Variants in PEX14 observed in about 807,000 individuals in gnomAD.
PEX14 encodes peroxisomal biogenesis factor 14.
PEX14 carries 15 observed loss-of-function variants against 49.5 expected under a neutral mutation model. The observed-to-expected ratio is 0.30, with a 90% CI of 0.20 to 0.47. The LOEUF (loss-of-function observed/expected upper bound fraction) is 0.47, where lower values mean the gene tolerates loss of function less well. PEX14 is among the 20% of genes least tolerant of loss of function. PEX14 has a pLI of 1.00. For synonymous variants in PEX14, 210 were observed against 212.7 expected (o/e 0.99, Z 0.11); for missense variants, 398 against 494.8 (o/e 0.80, Z 1.86).
In PEX14 at chr1:10,481,642, G is replaced by A. The variant is rs370008613; in HGVS notation, c.36+6640G>A. On this transcript the variant is annotated intron_variant, in intron 1 of 8. Coordinates refer to ENST00000356607, the MANE Select transcript of PEX14 (RefSeq NM_004565.3). Reference sequence around the variant, plus strand: ...TGTAGAGGTCGGGTCTCGCTGTGTCGCCCAGGCTGGTCTTGAACTCCTGAC... The same window carrying A: ...TGTAGAGGTCGGGTCTCGCTGTGTCACCCAGGCTGGTCTTGAACTCCTGAC... Among the ~76,000 whole-genome samples, 6 of 151,874 alleles carry A rather than the reference G, an allele frequency of 4.0e-5. No individual in the cohort carries two copies. In the East Asian group the frequency reaches 9.7e-4, roughly 24 times the overall value.
At chr1:10,627,242 G>T in intron 7 of PEX14, 30 bp from the exon 8 acceptor site, 1 of 1,550,448 alleles carries the variant, frequency 6.4e-7, no homozygotes, top group Non-Finnish European at 8.9e-7. Flanking sequence ...CAAGGCGCCC[G>T]CCCTGAGCCT....
At chr1:10,596,266 G>A (rs984931013) in intron 3 of PEX14, among the ~76,000 whole-genome samples, 2 of 152,228 alleles carry the variant, frequency 1.3e-5, no homozygotes, top group Non-Finnish European at 2.9e-5. Flanking sequence ...ACTCAAGGAA[G>A]CCTATGACAG....
At chr1:10,588,434 C>T (rs1053100334) in intron 3 of PEX14, among the ~76,000 whole-genome samples, 22 of 152,122 alleles carry the variant, frequency 1.4e-4, no homozygotes, top group South Asian at 4.1e-4. Context: ...TGATTTTTCA[C>T]GATAAAGTGG....
At chr1:10,587,472 A>G (rs1468421761) in intron 3 of PEX14, among the ~76,000 whole-genome samples, 1 of 152,130 alleles carries the variant, frequency 6.6e-6, no homozygotes, top group Non-Finnish European at 1.5e-5. Flanking sequence ...AAATAACGAG[A>G]CAATTTTTTA....
Position 10,474,986 on chromosome 1 carries a change from C to A in PEX14, c.20C>A (p.Ala7Glu). The change falls in exon 1 of 9, where the codon GCA becomes GAA. Residue 7 changes from alanine (A) to glutamate (E), a missense_variant. By Grantham distance (107) the Ala-to-Glu change is moderately radical (BLOSUM62 -1). Transcript: ENST00000356607. MASSEQ[A>E]EQPSQPSSTP... ...AGAAAGATGGCGTCCTCGGAGCAGG[C>A]AGAGCAGCCGAGCCAGGTAAGGGGA... 3 of 1,609,690 alleles carry A rather than the reference C, an allele frequency of 1.9e-6. No homozygotes were observed. Among genetic ancestry groups the A allele is most frequent in the Non-Finnish European group, 2.5e-6 (3 of 1,178,422 alleles).
intron 2 of PEX14, among the ~76,000 whole-genome samples, chr1:10,509,236 C>T (rs1296824990): frequency 3.9e-5 from 6 of 151,918 alleles, no homozygotes; most frequent in Non-Finnish European, 7.4e-5. Flanking sequence ...GCGTGAGCCA[C>T]CGCGCCCGGC....
chr1:10,607,750 GT>G (rs1641165950), intron 4 of PEX14, among the ~76,000 whole-genome samples: 1 of 152,190 alleles, frequency 6.6e-6, no homozygotes, highest in African/African-American at 2.4e-5. Context: ...GTTGAATGAG[GT>G]TTTTAATGTA....
rs549947665 is a variant in PEX14 at position 10,497,766 on chromosome 1, G to A, written c.84+2445G>A. The stretch of plus-strand genomic sequence containing the variant: ...TGAGGAATGGGATATTTCAGTGTTG[G>A]GGGAACACACTGCTAAGTTGTTTTG... On this transcript the variant is annotated intron_variant, in intron 2 of 8. Coordinates refer to ENST00000356607, the MANE Select transcript of PEX14 (RefSeq NM_004565.3). 2.0e-5 allele frequency among the ~76,000 whole-genome samples: 3 copies of A among 152,242 alleles called. No individual in the cohort carries two copies. The South Asian group carries it at 6.2e-4, about 32-fold the overall frequency.
chr1:10,614,532 A>T (rs1641358751), intron 4 of PEX14, among the ~76,000 whole-genome samples: 1 of 152,192 alleles, frequency 6.6e-6, no homozygotes. Flanking sequence ...GCGTCTGCTC[A>T]GCCTTGACAG....
intron 3 of PEX14, among the ~76,000 whole-genome samples, chr1:10,556,739 C>T (rs1360887705): frequency 6.6e-6 from 1 of 152,154 alleles, no homozygotes; most frequent in African/African-American, 2.4e-5. Context: ...AGCTGATGAG[C>T]CTAATGGAAA....
chr1:10,609,026 GT>G (rs1641202832), intron 4 of PEX14, among the ~76,000 whole-genome samples: 1 of 152,130 alleles, frequency 6.6e-6, no homozygotes, highest in South Asian at 2.1e-4. Flanking sequence ...GTGATCTCTT[GT>G]ACCTGGCCTC....
intron 3 of PEX14, among the ~76,000 whole-genome samples, chr1:10,570,435 C>T (rs1240538738): frequency 6.6e-6 from 1 of 151,834 alleles, no homozygotes; most frequent in African/African-American, 2.4e-5. Context: ...CGTGTTCAAG[C>T]GATTCTCCTG....
intron 4 of PEX14, among the ~76,000 whole-genome samples, chr1:10,605,032 C>T (rs1368443163): frequency 1.3e-5 from 2 of 152,036 alleles, no homozygotes; most frequent in Admixed American, 6.6e-5. Context: ...CCCCTCAGGC[C>T]CCTAGACTCC....
chr1:10,598,779 C>T (rs1640898201), intron 3 of PEX14, among the ~76,000 whole-genome samples: 1 of 152,096 alleles, frequency 6.6e-6, no homozygotes, highest in Non-Finnish European at 1.5e-5. Context: ...CAAATTATTC[C>T]CGTCTTCAGA....
intron 1 of PEX14, among the ~76,000 whole-genome samples, chr1:10,493,859 T>C (rs1439486800): frequency 6.6e-6 from 1 of 152,226 alleles, no homozygotes; most frequent in Non-Finnish European, 1.5e-5. Context: ...CAAGAGGGAA[T>C]GCTGGAAGAA....
chr1:10,627,276 C>T lies in PEX14; in HGVS notation c.590C>T (p.Thr197Ile). 1 of 1,612,948 alleles carries T rather than the reference C, an allele frequency of 6.2e-7. No homozygotes were observed. The highest frequency in any genetic ancestry group is 8.5e-7 in the Non-Finnish European group (1 of 1,179,118). The change falls in exon 8 of 9, where the codon ACC becomes ATC. Residue 197 changes from threonine (T) to isoleucine (I), a missense_variant. Thr to Ile is a moderately conservative substitution (Grantham distance 89). This residue lies in a region of PEX14 where 202 missense variants were observed against 298.5 expected (regional missense o/e 0.68). Coordinates refer to ENST00000356607, the MANE Select transcript of PEX14 (RefSeq NM_004565.3). ...CTCCCTGTGCTCTGCTTTCAGGCCA[C>T]CACATCCACCAACTGGATCCTGGAG... Reference protein sequence around the residue: ...LAHELAAAKATTSTNWILESQ... With the variant: ...LAHELAAAKAITSTNWILESQ...
intron 1 of PEX14, among the ~76,000 whole-genome samples, chr1:10,492,349 G>T (rs541563620): frequency 5.6e-4 from 85 of 152,278 alleles, no homozygotes; most frequent in African/African-American, 1.9e-3. Flanking sequence ...AAAGCTGTTT[G>T]CTTTTGTGTG....
chr1:10,577,420 A>AAAC (rs1640151742), intron 3 of PEX14, among the ~76,000 whole-genome samples: 1 of 143,688 alleles, frequency 7.0e-6, no homozygotes, highest in Admixed American at 7.0e-5. Flanking sequence ...CAAAAAAAAA[A>AAAC]AACCAAAAAA....
intron 1 of PEX14, among the ~76,000 whole-genome samples, chr1:10,479,405 A>G (rs1489475668): frequency 6.6e-6 from 1 of 151,928 alleles, no homozygotes; most frequent in African/African-American, 2.4e-5. Context: ...GAGAGAGAGA[A>G]AGTGCTGAGA....
Sources: allele counts gnomAD v4.1 joint callset (sites outside exome capture counted in the v4.1 genomes callset), GRCh38; gene constraint gnomAD v4.1.1; regional missense constraint gnomAD v4.1.1; transcripts MANE v1.5; gene names NCBI Gene and HGNC (gene_info 2026-07-23, HGNC 2026-07-21).